The following ATP8A2 variants were observed in gnomAD, a reference collection of about 807,000 sequenced individuals.
ATP8A2 encodes the protein phospholipid-transporting ATPase IB.
In ATP8A2, 100 loss-of-function variants were observed where a neutral mutation model predicts 165.6. The ratio of observed to expected loss-of-function variants is 0.60; its 90% CI spans 0.51 to 0.71. The LOEUF (loss-of-function observed/expected upper bound fraction) is 0.71, where lower values mean the gene tolerates loss of function less well. Ranked by LOEUF, ATP8A2 falls within the 30% of genes least tolerant of loss-of-function variation. ATP8A2 has a pLI of 0.00. For missense variants in ATP8A2, 1,227 were observed against 1,479.5 expected (o/e 0.83, Z 2.80); for synonymous variants, 543 against 548.8 (o/e 0.99, Z 0.15).
intron 1 of ATP8A2, among the ~76,000 whole-genome samples, chr13:25,417,358 GC>G (rs2034161995): frequency 6.7e-6 from 1 of 150,042 alleles, no homozygotes; most frequent in Non-Finnish European, 1.5e-5. Context: ...CAAATGCCTG[GC>G]TTCTAAGTCC....
At chr13:25,635,131 A>G (rs953496111) in intron 24 of ATP8A2, among the ~76,000 whole-genome samples, 13 of 152,234 alleles carry the variant, frequency 8.5e-5, no homozygotes, top group Admixed American at 2.0e-4. Context: ...ATGTAAGACC[A>G]AAGTCACCAT....
At chr13:25,952,143 A>G (rs1955384312) in intron 33 of ATP8A2, among the ~76,000 whole-genome samples, 1 of 152,212 alleles carries the variant, frequency 6.6e-6, no homozygotes, top group Admixed American at 6.5e-5. Flanking sequence ...AATGAGTGCT[A>G]GTAGAATCAT....
At position 25,699,293 on chromosome 13, in the gene ATP8A2, C is replaced by T. The variant is rs150714658; in HGVS notation, c.2332C>T (p.Arg778Trp). 69 of 1,613,678 alleles carry T rather than the reference C, an allele frequency of 4.3e-5. No individual in the cohort carries two copies. Among genetic ancestry groups the T allele is most frequent in the Middle Eastern group, 3.3e-4 (2 of 6,058 alleles). ...TLKYALSFEVRRSFLDLALSC... is the reference protein window; with the variant it reads ...TLKYALSFEVWRSFLDLALSC... The stretch of plus-strand genomic sequence containing the variant: ...GAAGTACGCGCTCTCCTTCGAAGTC[C>T]GGAGGAGTTTCCTGGATTTGGCACT... Residue 778 changes from arginine (R) to tryptophan (W), a missense_variant, in exon 25 of 37, where the codon CGG becomes TGG. Physicochemically the swap from Arg to Trp is moderately radical, Grantham distance 101 (BLOSUM62 -3). This residue lies in a region of ATP8A2 where 592 missense variants were observed against 785.6 expected (regional missense o/e 0.75). Coordinates refer to ENST00000381655, the MANE Select transcript of ATP8A2 (RefSeq NM_016529.6).
chr13:25,463,584 G>A (rs1054979723), intron 1 of ATP8A2, among the ~76,000 whole-genome samples: 1 of 152,074 alleles, frequency 6.6e-6, no homozygotes, highest in Non-Finnish European at 1.5e-5. Context: ...GACAATGTAA[G>A]GTCCATCATT....
intron 6 of ATP8A2, among the ~76,000 whole-genome samples, chr13:25,533,617 G>A (rs2038186411): frequency 6.6e-6 from 1 of 152,156 alleles, no homozygotes; most frequent in South Asian, 2.1e-4. Context: ...CTAAGTTAAA[G>A]TTTATTTTTG....
chr13:25,913,915 C>T (rs1954193940), intron 33 of ATP8A2, among the ~76,000 whole-genome samples: 1 of 152,080 alleles, frequency 6.6e-6, no homozygotes, highest in African/African-American at 2.4e-5. Flanking sequence ...CAGCTCTGAG[C>T]CCTTGGGTGG....
chr13:25,959,337 C>T lies in ATP8A2; in HGVS notation c.3184-2238C>T, dbSNP rs542329980. On this transcript the variant is annotated intron_variant, in intron 33 of 36. Transcript: ENST00000381655. ...CACCCAGATCCTGGTTTCCATATAC[C>T]GTTCCATGCATTGTTCCTGAGCATG... is the stretch of plus-strand genomic sequence containing the variant. Among the ~76,000 whole-genome samples, 4 of 152,320 alleles carry T rather than the reference C, an allele frequency of 2.6e-5. No individual in the cohort carries two copies. In the East Asian group the frequency reaches 5.8e-4, roughly 22 times the overall value.
chr13:25,714,307 A>G (rs766566237), intron 25 of ATP8A2, among the ~76,000 whole-genome samples: 2 of 152,110 alleles, frequency 1.3e-5, no homozygotes, highest in South Asian at 2.1e-4. Context: ...CCCCAGGACT[A>G]TAACAGGATT....
intron 1 of ATP8A2, among the ~76,000 whole-genome samples, chr13:25,467,195 T>C (rs2035691939): frequency 6.6e-6 from 1 of 152,120 alleles, no homozygotes. Context: ...GAGTGAGGAA[T>C]AGCCAGGGTG....
chr13:25,433,659 C>T lies in ATP8A2; in HGVS notation c.77-35318C>T, dbSNP rs9652083. Among the ~76,000 whole-genome samples, 899 of 152,282 alleles carry T rather than the reference C, an allele frequency of 5.9e-3. 5 individuals carry two copies. The highest frequency in any genetic ancestry group is 0.013 in the African/African-American group (555 of 41,562). On this transcript the variant is annotated intron_variant, in intron 1 of 36. Coordinates refer to ENST00000381655, the MANE Select transcript of ATP8A2 (RefSeq NM_016529.6). ...TGTGTTTCAGATGAAATGCTTAGTT[C>T]CACACACAACTATCCTGCATTAGAA...
At chr13:25,493,683 T>C (rs1385506373) in intron 2 of ATP8A2, among the ~76,000 whole-genome samples, 1 of 152,148 alleles carries the variant, frequency 6.6e-6, no homozygotes, top group Non-Finnish European at 1.5e-5. Flanking sequence ...GGGGGTGAAT[T>C]TGATAACCAT....
chr13:25,651,216 G>C (rs144230093), intron 24 of ATP8A2, among the ~76,000 whole-genome samples: 5,249 of 152,222 alleles, frequency 0.034, 157 homozygotes, highest in East Asian at 0.13. Flanking sequence ...AGGCCAAGAT[G>C]GGTGGATCAT....
intron 24 of ATP8A2, among the ~76,000 whole-genome samples, chr13:25,655,153 TC>T (rs2041900316): frequency 6.6e-6 from 1 of 152,114 alleles, no homozygotes; most frequent in African/African-American, 2.4e-5. Context: ...TCAGTGGAGT[TC>T]TTTTTTCTTT....
At position 25,817,361 on chromosome 13, in the gene ATP8A2, GGA is replaced by G. The variant is rs201831007; in HGVS notation, c.2680-10756_2680-10755del. Among the ~76,000 whole-genome samples the G allele has an allele frequency of 8.9e-3, 1,091 of 122,126 alleles. 13 individuals are homozygous for G. The highest frequency in any genetic ancestry group is 0.02 in the Middle Eastern group (5 of 244). 80.1% of individuals were successfully genotyped at this position (122,126 alleles called of 152,430 possible). A position where few individuals can be genotyped will look rare whatever the true frequency, so the allele number is the denominator to read the frequency against. On this transcript the variant is annotated intron_variant, in intron 27 of 36. Transcript: ENST00000381655. ...ATTATGGTCTTTTATGGGGGGGGGGGGAAACACGATTTTGTGTTTACCTGATG... is the reference window on the plus strand; with the variant it reads ...ATTATGGTCTTTTATGGGGGGGGGGGAACACGATTTTGTGTTTACCTGATG...
At chr13:25,548,449 A>G (rs1418177336) in intron 10 of ATP8A2, among the ~76,000 whole-genome samples, 4 of 152,218 alleles carry the variant, frequency 2.6e-5, no homozygotes, top group Non-Finnish European at 4.4e-5. Flanking sequence ...TAAAAAGTCA[A>G]TAATAAATGG....
At chr13:25,513,006 G>A (rs1243011268) in intron 2 of ATP8A2, among the ~76,000 whole-genome samples, 6 of 148,542 alleles carry the variant, frequency 4.0e-5, no homozygotes, top group Non-Finnish European at 7.5e-5. Flanking sequence ...GCCGGGCGGG[G>A]GGCTGACCCC....
At chr13:26,009,314 GCTTATTTGAAGGC>G (rs146557140) in intron 35 of ATP8A2, among the ~76,000 whole-genome samples, 4,617 of 152,196 alleles carry the variant, frequency 0.03, 221 homozygotes, top group African/African-American at 0.099. Flanking sequence ...CTGATTCCTG[GCTTATTTGAAGGC>G]CTTAGCCAGA....
At chr13:25,960,287 T>C (rs912826937) in intron 33 of ATP8A2, among the ~76,000 whole-genome samples, 1 of 152,166 alleles carries the variant, frequency 6.6e-6, no homozygotes, top group Non-Finnish European at 1.5e-5. Context: ...GAAGAGTGGG[T>C]TGACTCTTGG....
intron 2 of ATP8A2, among the ~76,000 whole-genome samples, chr13:25,478,209 C>G (rs939149099): frequency 5.9e-5 from 9 of 151,732 alleles, no homozygotes; most frequent in Non-Finnish European, 1.3e-4. Context: ...CAAACAGCAC[C>G]AAGGGTTTGT....
Sources: gnomAD v4.1 joint callset for allele counts (sites outside exome capture counted in the v4.1 genomes callset) on GRCh38, gnomAD v4.1.1 for gene constraint, gnomAD v4.1.1 regional missense constraint, MANE v1.5 for transcripts, NCBI Gene and HGNC (gene_info 2026-07-23, HGNC 2026-07-21) for gene names.